The following ANO4 variants were observed in gnomAD, a reference collection of about 807,000 sequenced individuals.
ANO4 encodes the protein anoctamin 4.
ANO4 carries 69 observed loss-of-function variants against 141.9 expected under a neutral mutation model. That is an observed-to-expected ratio of 0.49 (90% CI 0.40 to 0.59). The LOEUF is 0.59. ANO4 is among the 20% of genes least tolerant of loss of function. ANO4 has a pLI of 0.00. For missense variants in ANO4, 894 were observed against 1,162.2 expected, an observed-to-expected ratio of 0.77 and a Z score of 3.36; for synonymous variants, 350 against 394.3, an observed-to-expected ratio of 0.89 and a Z score of 1.33.
chr12:100,781,722 G>T lies in ANO4; in HGVS notation c.358+41617G>T, dbSNP rs544287294. 9.2e-5 allele frequency among the ~76,000 whole-genome samples: 14 copies of T among 152,158 alleles called. 1 individual carries two copies. Among genetic ancestry groups the T allele is most frequent in the African/African-American group, 3.1e-4 (13 of 41,502 alleles). On this transcript the variant is annotated intron_variant, in intron 3 of 29. Transcript: ENST00000644049. The stretch of plus-strand genomic sequence containing the variant: ...AGTTAATAACTGTTTTGCTACATAG[G>T]GCTCCTTTCATTATCCCCTGCCATG...
intron 23 of ANO4, 126 bp downstream of exon 23, chr12:101,110,682 A>G: frequency 1.2e-6 from 1 of 825,912 alleles, no homozygotes; most frequent in Non-Finnish European, 1.7e-6. Flanking sequence ...AATTTTTGCA[A>G]AGAATAATTA....
At chr12:100,724,339 C>T (rs1334812475) in intron 1 of ANO4, among the ~76,000 whole-genome samples, 1 of 152,138 alleles carries the variant, frequency 6.6e-6, no homozygotes, top group Non-Finnish European at 1.5e-5. Flanking sequence ...ATTTCTTGTG[C>T]CTTCTATGCA....
intron 7 of ANO4, among the ~76,000 whole-genome samples, chr12:100,985,375 G>A (rs1456027690): frequency 1.3e-5 from 2 of 152,146 alleles, no homozygotes; most frequent in African/African-American, 4.8e-5. Flanking sequence ...AGCATTTCCT[G>A]TATACCAGAC....
chr12:100,908,629 A>G (rs1355709851), intron 2 of ANO4, among the ~76,000 whole-genome samples: 6 of 152,306 alleles, frequency 3.9e-5, no homozygotes, highest in East Asian at 1.9e-4. Context: ...CAAATGCATC[A>G]TAGTTCTCTG....
intron 8 of ANO4, among the ~76,000 whole-genome samples, chr12:101,010,018 A>T (rs2046019863): frequency 6.6e-6 from 1 of 152,010 alleles, no homozygotes; most frequent in African/African-American, 2.4e-5. Context: ...TCGTAGTATA[A>T]ATATTATTGT....
chr12:101,054,104 T>C (rs2047993422), intron 14 of ANO4, among the ~76,000 whole-genome samples: 1 of 152,236 alleles, frequency 6.6e-6, no homozygotes, highest in Admixed American at 6.5e-5. Context: ...AATGTTTTCC[T>C]AGCTTTAGTT....
intron 3 of ANO4, among the ~76,000 whole-genome samples, chr12:100,772,894 A>G (rs568451023): frequency 4.9e-4 from 75 of 152,244 alleles, no homozygotes; most frequent in Non-Finnish European, 8.7e-4. Context: ...CAGTTTAAAC[A>G]AAAGAACGTG....
intron 5 of ANO4, among the ~76,000 whole-genome samples, chr12:100,954,267 C>A (rs2043089353): frequency 6.6e-6 from 1 of 152,274 alleles, no homozygotes; most frequent in East Asian, 1.9e-4. Context: ...GCATGAAGGT[C>A]AGGGAATCCA....
At chr12:100,970,675 T>G in intron 5 of ANO4, among the ~76,000 whole-genome samples, 1 of 52,946 alleles carries the variant, frequency 1.9e-5, no homozygotes, top group South Asian at 1.0e-3. Context: ...CCTTCCTTCC[T>G]TCCTTCCTTC....
chr12:100,833,520 T>G (rs1249352854), intron 1 of ANO4, among the ~76,000 whole-genome samples: 1 of 152,136 alleles, frequency 6.6e-6, no homozygotes, highest in African/African-American at 2.4e-5. Flanking sequence ...GTTCTACCAT[T>G]TACTACCTCA....
upstream of ANO4, among the ~76,000 whole-genome samples, chr12:100,791,426 C>CA (rs931747053): frequency 2.6e-5 from 4 of 151,696 alleles, no homozygotes; most frequent in African/African-American, 7.3e-5. Flanking sequence ...ACAACAACAA[C>CA]AACAAAAATG....
At chr12:100,933,149 T>G (rs540893112) in intron 3 of ANO4, among the ~76,000 whole-genome samples, 8 of 152,136 alleles carry the variant, frequency 5.3e-5, no homozygotes, top group East Asian at 1.9e-4. Context: ...TTTTAAGTTC[T>G]AGGGTACATG....
At chr12:101,082,593 G>C (rs1000993992) in intron 15 of ANO4, among the ~76,000 whole-genome samples, 1 of 152,214 alleles carries the variant, frequency 6.6e-6, no homozygotes, top group Admixed American at 6.5e-5. Flanking sequence ...GACAGAGCCT[G>C]CTCCTAATGT....
chr12:100,725,023 A>G (rs1352576843), intron 1 of ANO4, among the ~76,000 whole-genome samples: 2 of 152,170 alleles, frequency 1.3e-5, no homozygotes, highest in African/African-American at 4.8e-5. Context: ...CAATAAACAT[A>G]TATTTTGTAA....
At chr12:101,068,654 A>C in intron 14 of ANO4, 1 of 1,320,664 alleles carries the variant, frequency 7.6e-7, no homozygotes, top group East Asian at 2.3e-5. Context: ...TTTGAGCAAG[A>C]GAATGACTTC....
chr12:100,956,782 T>A (rs2043190111), intron 5 of ANO4, among the ~76,000 whole-genome samples: 1 of 152,122 alleles, frequency 6.6e-6, no homozygotes, highest in Non-Finnish European at 1.5e-5. Flanking sequence ...TTCAAGGGGA[T>A]CTCCCCCAAC....
chr12:101,103,183 T>TTATATATATATATA (rs71091476), intron 22 of ANO4, among the ~76,000 whole-genome samples: 2 of 18,592 alleles, frequency 1.1e-4, no homozygotes, highest in Non-Finnish European at 1.9e-4. Flanking sequence ...TTTAGTCATT[T>TTATATATATATATA]TATATATATA....
intron 8 of ANO4, among the ~76,000 whole-genome samples, chr12:101,004,151 G>A (rs2045772548): frequency 1.3e-4 from 1 of 7,570 alleles, no homozygotes; most frequent in Non-Finnish European, 2.2e-4. Context: ...GGATACTGTG[G>A]GGGAAGTGAA....
chr12:100,868,836 C>G (rs2038891515), intron 1 of ANO4, among the ~76,000 whole-genome samples: 1 of 152,210 alleles, frequency 6.6e-6, no homozygotes, highest in Non-Finnish European at 1.5e-5. Context: ...GCTTTGTGAG[C>G]CAAGAGGCAA....
Sources: allele counts gnomAD v4.1 joint callset (sites outside exome capture counted in the v4.1 genomes callset), GRCh38; gene constraint gnomAD v4.1.1; transcripts MANE v1.5; gene names NCBI Gene and HGNC (gene_info 2026-07-23, HGNC 2026-07-21).